The following CDH18 variants were observed in gnomAD, a reference collection of about 807,000 sequenced individuals.
The protein encoded by CDH18 is cadherin 18, also known as cadherin-18.
Under a neutral mutation model 67.9 loss-of-function variants are expected in CDH18, and 31 were observed. That is an observed-to-expected ratio of 0.46 (90% confidence interval 0.34 to 0.62). The LOEUF is 0.62. Among genes scored for constraint, CDH18 ranks in the 20% least tolerant of loss-of-function variants. The pLI is 0.01. For synonymous variants in CDH18, 362 were observed against 347.2 expected (o/e 1.04, Z -0.48); for missense variants, 890 against 975.5 (o/e 0.91, Z 1.17).
At chr5:20,122,842 T>A (rs1274365585) in intron 2 of CDH18, among the ~76,000 whole-genome samples, 2 of 147,614 alleles carry the variant, frequency 1.4e-5, no homozygotes, top group African/African-American at 4.9e-5. Context: ...ATATATATAT[T>A]CCCTATATAA....
rs187846711 is a variant in CDH18 at position 20,436,468 on chromosome 5, A to G, written c.-580+138994T>C. On this transcript the variant is annotated intron_variant, in intron 1 of 14. Coordinates refer to the CDH18 transcript ENST00000507958. ...TTTCACTGTTCCCATGAAAATAAAC[A>G]TGGTTATTATCAATAAATATAATCT... 7.9e-5 allele frequency among the ~76,000 whole-genome samples: 12 copies of G among 152,050 alleles called. No homozygotes were observed. In the East Asian group the frequency reaches 2.3e-3, roughly 29 times the overall value.
intron 2 of CDH18, among the ~76,000 whole-genome samples, chr5:19,946,511 A>G (rs1343070948): frequency 6.6e-6 from 1 of 152,174 alleles, no homozygotes; most frequent in Non-Finnish European, 1.5e-5. Context: ...ATCATCTGAT[A>G]TGGTGCTAAA....
intron 2 of CDH18, among the ~76,000 whole-genome samples, chr5:20,013,590 A>G (rs964103860): frequency 1.3e-5 from 2 of 152,020 alleles, no homozygotes; most frequent in African/African-American, 2.4e-5. Context: ...TGTTTTCATG[A>G]ATTTTATTTA....
chr5:19,579,898 A>ACCCC (rs150006454), intron 7 of CDH18, among the ~76,000 whole-genome samples: 1 of 149,342 alleles, frequency 6.7e-6, no homozygotes, highest in African/African-American at 2.5e-5. Context: ...CCTTCAATCC[A>ACCCC]CCCCCCCCAA....
intron 2 of CDH18, among the ~76,000 whole-genome samples, chr5:19,912,964 A>T (rs1208764103): frequency 6.6e-6 from 1 of 152,168 alleles, no homozygotes; most frequent in African/African-American, 2.4e-5. Flanking sequence ...CTTAGAGACT[A>T]TGAGAAGGCT....
Position 20,118,050 on chromosome 5 carries a change from T to C in CDH18, c.-517-126036A>G, listed in dbSNP as rs192037867. On this transcript the variant is annotated intron_variant, in intron 2 of 14. Transcript: ENST00000507958. ...ACTGTAATTCTGCTTCATTATCTTA[T>C]GCAAATAATTCCCAGAAAGAATCAA... Among the ~76,000 whole-genome samples the C allele has an allele frequency of 3.1e-3, 477 of 152,312 alleles. 3 individuals are homozygous for C. Among genetic ancestry groups the C allele is most frequent in the Admixed American group, 5.2e-3 (80 of 15,296 alleles).
intron 11 of CDH18, among the ~76,000 whole-genome samples, chr5:19,492,534 A>G (rs987381778): frequency 6.6e-6 from 1 of 152,156 alleles, no homozygotes; most frequent in African/African-American, 2.4e-5. Flanking sequence ...ATCACAACTT[A>G]AAGTAAGAAA....
intron 6 of CDH18, among the ~76,000 whole-genome samples, chr5:19,601,207 T>A (rs1747075949): frequency 6.6e-6 from 1 of 152,066 alleles, no homozygotes; most frequent in African/African-American, 2.4e-5. Flanking sequence ...TAGAAAAAGA[T>A]CAACAAAATT....
intron 2 of CDH18, among the ~76,000 whole-genome samples, chr5:19,932,284 T>C (rs1431384943): frequency 2.0e-5 from 3 of 151,816 alleles, no homozygotes; most frequent in Non-Finnish European, 2.9e-5. Flanking sequence ...AAGGATGTTT[T>C]ATACTCATGT....
intron 11 of CDH18, among the ~76,000 whole-genome samples, chr5:19,494,742 T>C (rs1742008523): frequency 1.3e-5 from 2 of 152,184 alleles, no homozygotes; most frequent in Non-Finnish European, 1.5e-5. Flanking sequence ...TCCAACATAG[T>C]AAGGGATCGT....
At chr5:19,919,066 A>T (rs1792147866) in intron 2 of CDH18, among the ~76,000 whole-genome samples, 1 of 151,878 alleles carries the variant, frequency 6.6e-6, no homozygotes, top group African/African-American at 2.4e-5. Flanking sequence ...GATTTAATCA[A>T]CTCTGACTAT....
rs1055068385 is a variant in CDH18, at chr5:19,986,460, A to G, written c.-376+1626T>C. On this transcript the variant is annotated intron_variant, in intron 1 of 12. Coordinates refer to ENST00000382275, the MANE Select transcript of CDH18 (RefSeq NM_004934.5). Reference sequence around the variant, plus strand: ...TACCTCCCATTGTTTTCAGAGAGGCAATCAATCTTGACCATTGGTATCAGT... The same window carrying G: ...TACCTCCCATTGTTTTCAGAGAGGCGATCAATCTTGACCATTGGTATCAGT... 2.6e-5 allele frequency among the ~76,000 whole-genome samples: 4 copies of G among 152,208 alleles called. No individual in the cohort carries two copies. The South Asian group carries it at 6.2e-4, about 24-fold the overall frequency.
chr5:19,816,079 T>C (rs1779257256), intron 3 of CDH18, among the ~76,000 whole-genome samples: 1 of 151,954 alleles, frequency 6.6e-6, no homozygotes, highest in Admixed American at 6.6e-5. Context: ...CAGAAAACAA[T>C]GTTTTTATTA....
intron 2 of CDH18, among the ~76,000 whole-genome samples, chr5:20,060,405 A>T (rs2150507478): frequency 6.6e-6 from 1 of 152,244 alleles, no homozygotes; most frequent in East Asian, 1.9e-4. Context: ...CAGAGGTTGC[A>T]GTGAGCCAAG....
At chr5:19,966,906 T>C (rs1257376046) in intron 2 of CDH18, among the ~76,000 whole-genome samples, 1 of 152,046 alleles carries the variant, frequency 6.6e-6, no homozygotes, top group Non-Finnish European at 1.5e-5. Flanking sequence ...ATTACAGTTA[T>C]ATTGAATGTA....
chr5:19,732,580 T>C (rs1439641258), intron 4 of CDH18, among the ~76,000 whole-genome samples: 3 of 152,200 alleles, frequency 2.0e-5, no homozygotes, highest in South Asian at 4.1e-4. Flanking sequence ...GTTTAGCCTT[T>C]ATAGTAATTA....
At chr5:20,182,933 G>A (rs1249785720) in intron 2 of CDH18, among the ~76,000 whole-genome samples, 1 of 152,092 alleles carries the variant, frequency 6.6e-6, no homozygotes, top group Non-Finnish European at 1.5e-5. Context: ...CGAATGGGAT[G>A]TATATATAAT....
intron 10 of CDH18, among the ~76,000 whole-genome samples, chr5:19,505,787 G>A (rs913588598): frequency 1.3e-5 from 2 of 151,902 alleles, no homozygotes; most frequent in African/African-American, 4.8e-5. Flanking sequence ...CTCTTTTTTT[G>A]TTGTGTCTCT....
rs79034189 is a variant in CDH18, at chr5:20,098,145, A to C, written c.-517-106131T>G. Among the ~76,000 whole-genome samples the C allele has an allele frequency of 7.3e-3, 1,115 of 152,126 alleles. 15 individuals are homozygous for C. Among genetic ancestry groups the C allele is most frequent in the African/African-American group, 0.026 (1,069 of 41,548 alleles). ...TCCATCTTAATCATTAAATCAAATAAAGTAGAATTAATGCAACCATTTGAA... is the reference window on the plus strand; with the variant it reads ...TCCATCTTAATCATTAAATCAAATACAGTAGAATTAATGCAACCATTTGAA... On this transcript the variant is annotated intron_variant, in intron 2 of 14. Transcript: ENST00000507958.
Sources: gnomAD v4.1 joint callset for allele counts (sites outside exome capture counted in the v4.1 genomes callset) on GRCh38, gnomAD v4.1.1 for gene constraint, MANE v1.5 for transcripts, NCBI Gene and HGNC (gene_info 2026-07-23, HGNC 2026-07-21) for gene names.